Variants in TOX4 observed in about 807,000 individuals in gnomAD.
The protein encoded by TOX4 is epidermal Langerhans cell protein LCP1.
Under a neutral mutation model 61.0 loss-of-function variants are expected in TOX4, and 12 were observed. The observed-to-expected ratio is 0.20, with a 90% CI of 0.13 to 0.32. The LOEUF is 0.32. Among genes scored for constraint, TOX4 ranks in the 10% least tolerant of loss-of-function variants. The pLI, the probability that TOX4 is intolerant of heterozygous loss-of-function variation, is 1.00. For synonymous variants in TOX4, 268 were observed against 274.8 expected, an observed-to-expected ratio of 0.98 and a Z score of 0.24; for missense variants, 499 against 753.3, an observed-to-expected ratio of 0.66 and a Z score of 3.95.
At chr14:21,491,734 A>G (rs28526734) in intron 5 of TOX4, among the ~76,000 whole-genome samples, 75,551 of 150,044 alleles carry the variant, frequency 0.5, 19,108 homozygotes, top group East Asian at 0.64. Context: ...ATTCTCGGCC[A>G]GGCGTGGTGG....
At chr14:21,480,405 A>C (rs1465189841) in intron 2 of TOX4, among the ~76,000 whole-genome samples, 1 of 152,086 alleles carries the variant, frequency 6.6e-6, no homozygotes, top group African/African-American at 2.4e-5. Context: ...TTCTCATTAC[A>C]ACTTCTACAC....
intron 5 of TOX4, among the ~76,000 whole-genome samples, 167 bp downstream of exon 5, chr14:21,489,570 G>A (rs1277839916): frequency 6.6e-6 from 1 of 151,932 alleles, no homozygotes. Flanking sequence ...ACTCACTCCA[G>A]AAAACCTATT....
At chr14:21,495,604 A>G (rs1246816347) in intron 8 of TOX4, 1 of 466,652 alleles carries the variant, frequency 2.1e-6, no homozygotes, top group Non-Finnish European at 3.8e-6. Context: ...CACATTTTTC[A>G]GTTACCACAT....
Position 21,483,970 on chromosome 14 carries a change from G to C in TOX4, c.76-3481G>C, listed in dbSNP as rs930962805. On this transcript the variant is annotated intron_variant, in intron 2 of 8. Transcript: ENST00000448790. ...TTACAGACGCACACCACCACACCCAGCTAATTTTTGTATTTTTAGTAGAGA... is the reference window on the plus strand; with the variant it reads ...TTACAGACGCACACCACCACACCCACCTAATTTTTGTATTTTTAGTAGAGA... Among the ~76,000 whole-genome samples, 56 of 151,966 alleles carry C rather than the reference G, an allele frequency of 3.7e-4. 2 individuals carry two copies. Among genetic ancestry groups the C allele is most frequent in the Non-Finnish European group, 1.2e-4 (8 of 67,996 alleles).
At chr14:21,483,687 A>T (rs919554230) in intron 2 of TOX4, among the ~76,000 whole-genome samples, 1 of 152,104 alleles carries the variant, frequency 6.6e-6, no homozygotes, top group Non-Finnish European at 1.5e-5. Flanking sequence ...AATTAAAAAA[A>T]ACAACAACAA....
intron 2 of TOX4, among the ~76,000 whole-genome samples, chr14:21,486,615 A>G (rs1291760705): frequency 6.6e-6 from 1 of 152,206 alleles, no homozygotes; most frequent in Non-Finnish European, 1.5e-5. Context: ...GCCACCATTT[A>G]GATTTTAGTG....
At chr14:21,489,109 T>C in intron 4 of TOX4, 64 bp from the exon 5 acceptor site, 7 of 1,519,230 alleles carry the variant, frequency 4.6e-6, no homozygotes, top group East Asian at 2.3e-5. Context: ...TACATGTGGC[T>C]AGTTTCCAGA....
chr14:21,499,019 C>A lies in TOX4; in HGVS notation c.*2413C>A. 1 of 1,604,424 alleles carries A rather than the reference C, an allele frequency of 6.2e-7. No individual in the cohort carries two copies. The highest frequency in any genetic ancestry group is 8.5e-7 in the Non-Finnish European group (1 of 1,171,194). On this transcript the variant is annotated 3_prime_UTR_variant, in exon 9 of 9. Transcript: ENST00000448790. ...TGAGGACTAGCCTGTTCTCTGGTCA[C>A]CTTACCAGTTGGGTTGCACATTGTG...
chr14:21,495,002 G>C (rs935008393), intron 7 of TOX4, among the ~76,000 whole-genome samples: 5 of 152,036 alleles, frequency 3.3e-5, no homozygotes, highest in Non-Finnish European at 7.4e-5. Flanking sequence ...TTAGCACATG[G>C]CCACCTTTCT....
intron 2 of TOX4, among the ~76,000 whole-genome samples, chr14:21,477,944 TC>T (rs1891031090): frequency 1.3e-5 from 2 of 152,160 alleles, no homozygotes. Flanking sequence ...TTATTGGTTT[TC>T]TTTTGTTTTG....
rs780287590 is a variant in TOX4 at position 21,492,681 on chromosome 14, A to G, written c.1065A>G (p.Ala355=). 5 of 1,614,104 alleles carry G rather than the reference A, an allele frequency of 3.1e-6. No homozygotes were observed. The Admixed American group carries it at 8.3e-5, about 27-fold the overall frequency. ...STLSSYVANQ[A]SSGAGGQPNI... ...TTTCATCCTATGTGGCAAACCAGGC[A>G]TCTTCTGGAGCTGGGGGTCAGCCCA... The change falls in exon 7 of 9, where the codon GCA becomes GCG. Residue 355 remains alanine (A), a synonymous_variant. Coordinates refer to ENST00000448790, the MANE Select transcript of TOX4 (RefSeq NM_014828.4).
rs1443684640 is a variant in TOX4, at chr14:21,497,091, C to T, written c.*485C>T. The T allele has an allele frequency of 6.5e-6, 1 of 154,198 alleles. No individual in the cohort carries two copies. Among genetic ancestry groups the T allele is most frequent in the Non-Finnish European group, 1.4e-5 (1 of 69,254 alleles). The allele number at this position is 154,198 out of a possible 1,614,324, so 9.6% of individuals were successfully genotyped here. ...TGAAAACAAAACTTTTCAACATGGG[C>T]ATACTGGGCTACATGGAAAATGACA... On this transcript the variant is annotated 3_prime_UTR_variant, in exon 9 of 9. Transcript: ENST00000448790.
At chr14:21,488,885 G>A (rs1401836676) in intron 4 of TOX4, 35 bp downstream of exon 4, 2 of 1,605,138 alleles carry the variant, frequency 1.2e-6, no homozygotes, top group Admixed American at 3.4e-5. Flanking sequence ...ATTCTGCTGT[G>A]ATAGTCTGGG....
intron 2 of TOX4, 83 bp downstream of exon 2, chr14:21,477,647 G>T: frequency 6.7e-7 from 1 of 1,489,726 alleles, no homozygotes; most frequent in South Asian, 1.1e-5. Context: ...CACGGACTCC[G>T]GGGACGGGGG....
Position 21,498,900 on chromosome 14 carries a change from T to G in TOX4, c.*2294T>G. Reference sequence around the variant, plus strand: ...AAAACAGTTTAAATACAAGCTTAAGTGGCTTATGAATCCTGTGAAGCTCAT... The same window carrying G: ...AAAACAGTTTAAATACAAGCTTAAGGGGCTTATGAATCCTGTGAAGCTCAT... On this transcript the variant is annotated 3_prime_UTR_variant, in exon 9 of 9. Transcript: ENST00000448790. 1.5e-6 allele frequency: 1 copy of G among 661,448 alleles called. No homozygotes were observed. The highest frequency in any genetic ancestry group is 2.7e-6 in the Non-Finnish European group (1 of 373,050). The allele number at this position is 661,448 out of a possible 1,614,324, so 41.0% of individuals were successfully genotyped here. A position where few individuals can be genotyped will look rare whatever the true frequency, so the allele number is the denominator to read the frequency against.
chr14:21,477,714 C>G lies in TOX4; in HGVS notation c.75+150C>G, dbSNP rs1017622835. The G allele has an allele frequency of 3.9e-6, 3 of 762,526 alleles. No individual in the cohort carries two copies. In the Admixed American group the frequency reaches 8.1e-5, roughly 21 times the overall value. The allele number at this position is 762,526 out of a possible 1,614,324, so 47.2% of individuals were successfully genotyped here. A position where few individuals can be genotyped will look rare whatever the true frequency, so the allele number is the denominator to read the frequency against. ...AGAAAAGTGGCGGTTGCTTCTAGAG[C>G]CTGTGGGGACTATCTGGGGAAGTCT... is the stretch of plus-strand genomic sequence containing the variant. On this transcript the variant is annotated intron_variant, in intron 2 of 8. Coordinates refer to ENST00000448790, the MANE Select transcript of TOX4 (RefSeq NM_014828.4).
Position 21,497,982 on chromosome 14 carries a change from C to G in TOX4, c.*1376C>G. On this transcript the variant is annotated 3_prime_UTR_variant, in exon 9 of 9. Coordinates refer to ENST00000448790, the MANE Select transcript of TOX4 (RefSeq NM_014828.4). Reference sequence around the variant, plus strand: ...ACAGGTGTGAGCCACTGTGCCTAGCCTATAATGATCATTTTAATGTTTCCC... The same window carrying G: ...ACAGGTGTGAGCCACTGTGCCTAGCGTATAATGATCATTTTAATGTTTCCC... The G allele has an allele frequency of 2.6e-6, 1 of 379,844 alleles. No homozygotes were observed. Among genetic ancestry groups the G allele is most frequent in the South Asian group, 3.1e-5 (1 of 32,068 alleles). The allele number at this position is 379,844 out of a possible 1,614,324, so 23.5% of individuals were successfully genotyped here.
intron 2 of TOX4, among the ~76,000 whole-genome samples, chr14:21,483,817 T>TGC (rs1491040897): frequency 6.8e-6 from 1 of 147,608 alleles, no homozygotes; most frequent in East Asian, 2.0e-4. Context: ...TGTGTGTGTG[T>TGC]GCGCGTGTGA....
intron 5 of TOX4, 117 bp from the exon 6 acceptor site, chr14:21,492,179 G>A: frequency 1.1e-6 from 1 of 943,948 alleles, no homozygotes; most frequent in Non-Finnish European, 1.6e-6. Flanking sequence ...ACTGATAGAG[G>A]TTGTCAGTGA....
Sources: gnomAD v4.1 joint callset for allele counts (sites outside exome capture counted in the v4.1 genomes callset) on GRCh38, gnomAD v4.1.1 for gene constraint, MANE v1.5 for transcripts, NCBI Gene and HGNC (gene_info 2026-07-23, HGNC 2026-07-21) for gene names.